The following GULP1 variants were observed in gnomAD, a reference collection of about 807,000 sequenced individuals.
GULP1 encodes PTB domain-containing engulfment adapter protein 1.
A neutral mutation model predicts 40.9 loss-of-function variants in GULP1; 19 were observed. The observed-to-expected ratio is 0.46, with a 90% CI of 0.32 to 0.68. The LOEUF (loss-of-function observed/expected upper bound fraction) is 0.68, where lower values mean the gene tolerates loss of function less well. Ranked by LOEUF, GULP1 falls within the 30% of genes least tolerant of loss-of-function variation. GULP1 has a pLI of 0.03. For synonymous variants in GULP1, 119 were observed against 117.6 expected (o/e 1.01, Z -0.08); for missense variants, 312 against 362.2 (o/e 0.86, Z 1.12).
chr2:188,461,126 T>C (rs1164986151), intron 2 of GULP1, among the ~76,000 whole-genome samples: 1 of 152,152 alleles, frequency 6.6e-6, no homozygotes, highest in Non-Finnish European at 1.5e-5. Context: ...TATTTATTTA[T>C]GATGTGTCTT....
chr2:188,417,352 C>CACA (rs1198700269), intron 2 of GULP1, among the ~76,000 whole-genome samples: 24 of 152,240 alleles, frequency 1.6e-4, no homozygotes, highest in African/African-American at 5.8e-4. Flanking sequence ...GTTTCTTTGT[C>CACA]ACTTACTTCC....
In GULP1 at chr2:188,299,630, T is replaced by C. The variant is rs149115146; in HGVS notation, c.-172+7464T>C. 3.1e-3 allele frequency among the ~76,000 whole-genome samples: 477 copies of C among 152,346 alleles called. 1 individual carries two copies. Among genetic ancestry groups the C allele is most frequent in the African/African-American group, 0.011 (445 of 41,576 alleles). ...CTTATCAAATAACACTTGTTCTTTTTGTAGTTGTGTGATTAGTAGGTGACA... is the reference window on the plus strand; with the variant it reads ...CTTATCAAATAACACTTGTTCTTTTCGTAGTTGTGTGATTAGTAGGTGACA... On this transcript the variant is annotated intron_variant, in intron 1 of 11. Coordinates refer to ENST00000409830, the MANE Select transcript of GULP1 (RefSeq NM_016315.4).
intron 1 of GULP1, among the ~76,000 whole-genome samples, chr2:188,346,259 G>A (rs1472207672): frequency 2.6e-5 from 4 of 152,140 alleles, no homozygotes. Flanking sequence ...ATAATAGGAT[G>A]TTGGCTTGAG....
chr2:188,379,375 C>A (rs958773995), intron 1 of GULP1, among the ~76,000 whole-genome samples: 3 of 152,122 alleles, frequency 2.0e-5, no homozygotes, highest in African/African-American at 7.2e-5. Flanking sequence ...ATCTGATTTC[C>A]TGGAATAGAA....
chr2:188,488,580 T>A (rs1332921060), intron 4 of GULP1, among the ~76,000 whole-genome samples: 1 of 152,014 alleles, frequency 6.6e-6, no homozygotes, highest in Non-Finnish European at 1.5e-5. Context: ...GAGAATGAAC[T>A]ACTTAGAATG....
intron 6 of GULP1, among the ~76,000 whole-genome samples, chr2:188,538,915 TAAAC>T (rs1157327269): frequency 1.3e-5 from 2 of 152,166 alleles, no homozygotes; most frequent in Admixed American, 6.6e-5. Context: ...TATTTATAGT[TAAAC>T]ATACATATAT....
intron 5 of GULP1, among the ~76,000 whole-genome samples, chr2:188,525,284 G>C (rs1685873614): frequency 6.6e-6 from 1 of 151,986 alleles, no homozygotes; most frequent in Non-Finnish European, 1.5e-5. Flanking sequence ...CCAGCTACTT[G>C]GGAGGCTGAG....
chr2:188,439,925 G>A (rs992134895), intron 2 of GULP1, among the ~76,000 whole-genome samples: 7 of 152,078 alleles, frequency 4.6e-5, no homozygotes, highest in Admixed American at 2.6e-4. Context: ...ATAGAAAAGG[G>A]AAATCATTTA....
At chr2:188,404,703 G>T (rs1185585810) in intron 2 of GULP1, among the ~76,000 whole-genome samples, 2 of 152,038 alleles carry the variant, frequency 1.3e-5, no homozygotes, top group African/African-American at 4.8e-5. Context: ...GACTGGTCCA[G>T]CATTAGACTG....
At chr2:188,296,930 TTC>T (rs1255723149) in intron 1 of GULP1, among the ~76,000 whole-genome samples, 1 of 151,596 alleles carries the variant, frequency 6.6e-6, no homozygotes, top group Non-Finnish European at 1.5e-5. Flanking sequence ...GTCTCTGTCG[TTC>T]TCTCTCTCTT....
At chr2:188,505,977 A>G (rs1035553076) in intron 4 of GULP1, among the ~76,000 whole-genome samples, 5 of 151,890 alleles carry the variant, frequency 3.3e-5, no homozygotes, top group Non-Finnish European at 7.4e-5. Context: ...TACATAGTAC[A>G]GTTACACTAC....
At chr2:188,304,676 T>C (rs1028037060) in intron 1 of GULP1, among the ~76,000 whole-genome samples, 20 of 152,186 alleles carry the variant, frequency 1.3e-4, no homozygotes, top group African/African-American at 4.6e-4. Flanking sequence ...GATGCTCGAT[T>C]CCTTCTTTTT....
At chr2:188,584,964 A>G (rs925742010) in intron 10 of GULP1, among the ~76,000 whole-genome samples, 3 of 152,190 alleles carry the variant, frequency 2.0e-5, no homozygotes, top group Non-Finnish European at 4.4e-5. Flanking sequence ...AAACACCTAT[A>G]AGCCTGTAAA....
intron 2 of GULP1, among the ~76,000 whole-genome samples, chr2:188,475,725 T>C (rs2060956720): frequency 6.6e-6 from 1 of 152,170 alleles, no homozygotes; most frequent in African/African-American, 2.4e-5. Context: ...TTTTCCTTAT[T>C]TCTTCAGGAT....
intron 1 of GULP1, among the ~76,000 whole-genome samples, chr2:188,330,578 T>A (rs540099058): frequency 4.8e-4 from 73 of 152,306 alleles, no homozygotes; most frequent in African/African-American, 1.4e-3. Context: ...TGTAAAAAAA[T>A]TTAAACACTT....
chr2:188,588,055 A>G lies in GULP1; in HGVS notation c.843+106A>G, dbSNP rs182548291. The G allele has an allele frequency of 8.4e-5, 62 of 740,330 alleles. No homozygotes were observed. In the East Asian group the frequency reaches 1.5e-3, roughly 18 times the overall value. 45.9% of individuals were successfully genotyped at this position (740,330 alleles called of 1,614,324 possible). On this transcript the variant is annotated intron_variant, in intron 11 of 11. Coordinates refer to ENST00000409830, the MANE Select transcript of GULP1 (RefSeq NM_016315.4). ...ATGGTTTCCTTCAATTATTTTCGCT[A>G]TAAAAACTCGCTTAAAATAATTACT... is the stretch of plus-strand genomic sequence containing the variant.
intron 1 of GULP1, among the ~76,000 whole-genome samples, chr2:188,320,243 T>C (rs1266128801): frequency 1.3e-5 from 2 of 152,112 alleles, no homozygotes; most frequent in African/African-American, 2.4e-5. Context: ...TCATATAGTA[T>C]TTTTTGGACA....
At chr2:188,423,007 A>G in intron 2 of GULP1, among the ~76,000 whole-genome samples, 1 of 152,058 alleles carries the variant, frequency 6.6e-6, no homozygotes, top group East Asian at 1.9e-4. Flanking sequence ...GATTTCCACT[A>G]ATCTCTAGTG....
At chr2:188,439,333 G>T (rs2057716308) in intron 2 of GULP1, among the ~76,000 whole-genome samples, 1 of 151,808 alleles carries the variant, frequency 6.6e-6, no homozygotes, top group East Asian at 1.9e-4. Flanking sequence ...TTCCTGTCTG[G>T]TTGCAAATTA....
Sources: gnomAD v4.1 joint callset for allele counts (sites outside exome capture counted in the v4.1 genomes callset) on GRCh38, gnomAD v4.1.1 for gene constraint, MANE v1.5 for transcripts, NCBI Gene and HGNC (gene_info 2026-07-23, HGNC 2026-07-21) for gene names.